ABCC10: variants seen among roughly 807,000 people sequenced by gnomAD.
ABCC10 encodes ATP-binding cassette sub-family C member 10.
Under a neutral mutation model 143.2 loss-of-function variants are expected in ABCC10, and 110 were observed. The observed-to-expected ratio is 0.77, with a 90% CI of 0.66 to 0.90. ABCC10 has a LOEUF of 0.90. ABCC10 is among the 40% of genes least tolerant of loss of function. ABCC10 has a pLI of 0.00. For synonymous variants in ABCC10, 805 were observed against 846.7 expected, an observed-to-expected ratio of 0.95 and a Z score of 0.85; for missense variants, 1,700 against 1,900.5, an observed-to-expected ratio of 0.89 and a Z score of 1.96.
At chr6:43,436,012 AT>A in intron 5 of ABCC10, 105 bp downstream of exon 5, 1 of 1,598,298 alleles carries the variant, frequency 6.3e-7, no homozygotes. Context: ...AGAGAGCGGA[AT>A]CCAAAACAGA....
chr6:43,427,992 T>G lies in ABCC10; in HGVS notation c.14T>G (p.Leu5Arg), dbSNP rs1780684674. Reference protein sequence around the residue: MERLLAQLCGSSAAW... With the variant: MERLRAQLCGSSAAW... ...GGTGAGGCGTCCATGGAACGACTTC[T>G]GGCCCAGCTGTGCGGCAGCAGCGCA... Residue 5 changes from leucine to arginine, a missense_variant, in exon 2 of 22, where the codon CTG becomes CGG. Transcript: ENST00000372530. The G allele has an allele frequency of 6.2e-7, 1 of 1,611,904 alleles. No homozygotes were observed. The highest frequency in any genetic ancestry group is 8.5e-7 in the Non-Finnish European group (1 of 1,179,512).
chr6:43,447,306 G>C lies in ABCC10; in HGVS notation c.3603G>C (p.Leu1201=). The C allele has an allele frequency of 2.5e-6, 4 of 1,613,694 alleles. No individual in the cohort carries two copies. The highest frequency in any genetic ancestry group is 1.3e-5 in the African/African-American group (1 of 75,016). The change falls in exon 17 of 22, where the codon CTG becomes CTC. Residue 1201 remains leucine (L), a synonymous_variant. Transcript: ENST00000372530. The part of the protein sequence containing the change: ...ALSLTGLLSG[L]VSSFTQTEAM... ...CCCTGACGGGCCTGCTCTCGGGCCT[G>C]GTGAGCAGCTTCACACAGACAGAGG...
chr6:43,433,225 G>T lies in ABCC10; in HGVS notation c.1245G>T (p.Leu415=), dbSNP rs1184411415. The T allele has an allele frequency of 1.2e-6, 2 of 1,614,074 alleles. No individual in the cohort carries two copies. Among genetic ancestry groups the T allele is most frequent in the African/African-American group, 2.7e-5 (2 of 74,942 alleles). ...PLQLAITLYL[L]YQQVGVAFVG... ...AACTGGCCATCACCCTCTACCTGCT[G>T]TACCAGCAGGTAGGCGTGGCCTTCG... Residue 415 remains leucine, a synonymous_variant, in exon 3 of 22, where the codon CTG becomes CTT. Coordinates refer to ENST00000372530, the MANE Select transcript of ABCC10 (RefSeq NM_001198934.2).
At chr6:43,447,609 TC>T in intron 17 of ABCC10, 74 bp from the exon 18 acceptor site, 1 of 1,587,952 alleles carries the variant, frequency 6.3e-7, no homozygotes, top group Non-Finnish European at 8.6e-7. Flanking sequence ...CTCATTATTC[TC>T]CCCTCCTCAC....
chr6:43,435,097 G>T (rs1781545934), intron 4 of ABCC10: 1 of 489,154 alleles, frequency 2.0e-6, no homozygotes, highest in Admixed American at 3.4e-5. Context: ...CAGGCTTGGG[G>T]TTAGGTCTCT....
At chr6:43,429,371 C>CGCG (rs765295052) in intron 2 of ABCC10, among the ~76,000 whole-genome samples, 1 of 79,526 alleles carries the variant, frequency 1.3e-5, no homozygotes, top group Non-Finnish European at 2.1e-5. Context: ...TCTTTTCTTT[C>CGCG]TTGTGTGTGT....
In ABCC10 at chr6:43,432,974, G is replaced by A. The variant is rs745967911; in HGVS notation, c.994G>A (p.Gly332Ser). Residue 332 changes from glycine to serine, a missense_variant, in exon 3 of 22, where the codon GGT becomes AGT. Gly to Ser is a moderately conservative substitution (Grantham distance 56). Coordinates refer to ENST00000372530, the MANE Select transcript of ABCC10 (RefSeq NM_001198934.2). ...CCTGCTCTATGCTCTGGGGCTAGCC[G>A]GTGGGGCTGTGCTGGGTGCTGTGCT... ...HGLLYALGLA[G>S]GAVLGAVLQN... 13 of 1,614,082 alleles carry A rather than the reference G, an allele frequency of 8.1e-6. No individual in the cohort carries two copies. Among genetic ancestry groups the A allele is most frequent in the Admixed American group, 1.7e-5 (1 of 60,006 alleles).
In ABCC10 at chr6:43,436,142, C is replaced by G. The variant is rs1781683876; in HGVS notation, c.1770C>G (p.Pro590=). ...HNPQAYYSPD[P]PAEPSTVLEL... is the part of the protein sequence containing the mutation. ...TCAAGTGGCTTCTCTGTTCAGATCC[C>G]CCTGCAGAGCCATCTACAGTATTGG... The change falls in exon 6 of 22, where the codon CCC becomes CCG. Residue 590 remains proline (P), a synonymous_variant. Coordinates refer to ENST00000372530, the MANE Select transcript of ABCC10 (RefSeq NM_001198934.2). The G allele has an allele frequency of 1.9e-6, 3 of 1,614,106 alleles. No individual in the cohort carries two copies. The highest frequency in any genetic ancestry group is 1.7e-6 in the Non-Finnish European group (2 of 1,180,042).
chr6:43,432,517 G>T lies in ABCC10; in HGVS notation c.537G>T (p.Leu179=). The T allele has an allele frequency of 6.2e-7, 1 of 1,612,376 alleles. No homozygotes were observed. ...GCCTATGCTTGCTCATCCTGCAGCT[G>T]GCTGCACTCTTGGCCTATGCACTGG... ...MARLCLLILQ[L]AALLAYALGW... Residue 179 remains leucine, a synonymous_variant, in exon 3 of 22, where the codon CTG becomes CTT. Coordinates refer to ENST00000372530, the MANE Select transcript of ABCC10 (RefSeq NM_001198934.2).
At chr6:43,438,842 T>A (rs1372880902) in intron 8 of ABCC10, 47 bp downstream of exon 8, 1 of 1,599,292 alleles carries the variant, frequency 6.3e-7, no homozygotes, top group East Asian at 2.2e-5. Flanking sequence ...TTCTCCAGTG[T>A]CCCTGACACC....
Position 43,450,052 on chromosome 6 carries a change from C to A in ABCC10, c.4440C>A (p.Ser1480Arg). The A allele has an allele frequency of 6.2e-7, 1 of 1,610,816 alleles. No individual in the cohort carries two copies. Among genetic ancestry groups the A allele is most frequent in the African/African-American group, 1.3e-5 (1 of 74,988 alleles). Residue 1480 changes from serine to arginine, a missense_variant, in exon 22 of 22, where the codon AGC (serine) becomes AGA (arginine). Physicochemically the swap from Ser to Arg is moderately radical, Grantham distance 110 (BLOSUM62 -1). Transcript: ENST00000372530. This position sits in a 1 kb window ranked among gnomAD's most constrained non-coding sequence, Gnocchi z 4.5. ...CCCTGTTCCAGCAGCTGCTGCAGAGCAGCCAGCAGGGAGTCCCTGCCTCAC... is the reference window on the plus strand; with the variant it reads ...CCCTGTTCCAGCAGCTGCTGCAGAGAAGCCAGCAGGGAGTCCCTGCCTCAC... ...PHSLFQQLLQ[S>R]SQQGVPASLG... is the part of the protein sequence containing the mutation.
intron 8 of ABCC10, among the ~76,000 whole-genome samples, chr6:43,441,237 G>T (rs917875807): frequency 6.6e-6 from 1 of 152,138 alleles, no homozygotes; most frequent in Non-Finnish European, 1.5e-5. Flanking sequence ...CAGCACTTTG[G>T]GAGGCCAAGG....
At chr6:43,451,206 C>T, downstream of ABCC10, 1 of 1,614,194 alleles carries the variant, frequency 6.2e-7, no homozygotes, top group Non-Finnish European at 8.5e-7. The surrounding 1 kb of genome is among the most constrained non-coding windows in gnomAD (Gnocchi z 4.4). Flanking sequence ...GCCCACCAAG[C>T]AGCGGCACGT....
In ABCC10 at chr6:43,442,063, G is replaced by A. The variant is rs1782533924; in HGVS notation, c.2226+103G>A. ...GATAGGAATATTTTCCTTAGCATCT[G>A]GTTCCTTCCCTCCTCCCTTGCATGT... On this transcript the variant is annotated intron_variant, in intron 9 of 21. Coordinates refer to ENST00000372530, the MANE Select transcript of ABCC10 (RefSeq NM_001198934.2). 6.1e-6 allele frequency: 6 copies of A among 977,814 alleles called. No homozygotes were observed. In the Admixed American group the frequency reaches 1.3e-4, roughly 21 times the overall value. The allele number at this position is 977,814 out of a possible 1,614,324, so 60.6% of individuals were successfully genotyped here.
rs1167601351 is a variant in ABCC10, at chr6:43,435,621, G to A, written c.1609-130G>A. 1.5e-5 allele frequency: 17 copies of A among 1,105,004 alleles called. No individual in the cohort carries two copies. The African/African-American group carries it at 2.1e-4, about 13-fold the overall frequency. 68.4% of individuals were successfully genotyped at this position (1,105,004 alleles called of 1,614,324 possible). A position where few individuals can be genotyped will look rare whatever the true frequency, so the allele number is the denominator to read the frequency against. ...CCATCTCTGCCACATCTGATCCCAG[G>A]ATTGGCCAGCCAGCCCTTCAGTTCT... On this transcript the variant is annotated intron_variant, in intron 4 of 21. Coordinates refer to ENST00000372530, the MANE Select transcript of ABCC10 (RefSeq NM_001198934.2).
At chr6:43,435,350 T>C (rs1450835754) in intron 4 of ABCC10, among the ~76,000 whole-genome samples, 2 of 152,110 alleles carry the variant, frequency 1.3e-5, no homozygotes, top group African/African-American at 4.8e-5. Flanking sequence ...CTGACCAACA[T>C]GGTGAAACCT....
intron 16 of ABCC10, 133 bp downstream of exon 16, chr6:43,446,579 T>C (rs1581784581): frequency 7.0e-7 from 1 of 1,432,004 alleles, no homozygotes; most frequent in Admixed American, 2.7e-5. Flanking sequence ...ATCATGATTA[T>C]CATCATCACC....
In ABCC10 at chr6:43,436,157, T is replaced by C. The variant is rs866803051; in HGVS notation, c.1785T>C (p.Ser595=). 6.2e-7 allele frequency: 1 copy of C among 1,614,190 alleles called. No homozygotes were observed. The part of the protein sequence containing the change: ...YYSPDPPAEP[S]TVLELHGALF... ...GTTCAGATCCCCCTGCAGAGCCATC[T>C]ACAGTATTGGAGCTGCATGGAGCCT... Residue 595 remains serine (S), a synonymous_variant, in exon 6 of 22, where the codon TCT becomes TCC. Transcript: ENST00000372530.
chr6:43,448,064 G>A, intron 18 of ABCC10, 127 bp downstream of exon 18: 1 of 1,436,804 alleles, frequency 7.0e-7, no homozygotes, highest in South Asian at 1.2e-5. Flanking sequence ...CTGAAATGGA[G>A]GACAGGATGA....
Sources: allele counts gnomAD v4.1 joint callset (sites outside exome capture counted in the v4.1 genomes callset), GRCh38; gene constraint gnomAD v4.1.1; non-coding constraint Gnocchi (gnomAD v3.1); transcripts MANE v1.5; gene names NCBI Gene and HGNC (gene_info 2026-07-23, HGNC 2026-07-21).